Variants in ENOSF1 observed in about 807,000 individuals in gnomAD.
ENOSF1 encodes the protein enolase superfamily member 1, also known as mitochondrial enolase superfamily member 1.
ENOSF1 carries 73 observed loss-of-function variants against 68.2 expected under a neutral mutation model. That is an observed-to-expected ratio of 1.07 (90% CI 0.89 to 1.30). The LOEUF is 1.30. Ranked by LOEUF, ENOSF1 falls within the 50% of genes most tolerant of loss-of-function variation. The pLI is 0.00. For missense variants in ENOSF1, 589 were observed against 554.5 expected (o/e 1.06, Z -0.62); for synonymous variants, 223 against 210.4 (o/e 1.06, Z -0.52).
At position 697,622 on chromosome 18, in the gene ENOSF1, G is replaced by A. The variant is rs111509542; in HGVS notation, c.194-267C>T. Among the ~76,000 whole-genome samples, 906 of 151,896 alleles carry A rather than the reference G, an allele frequency of 6.0e-3. 12 individuals are homozygous for A. The highest frequency in any genetic ancestry group is 0.02 in the African/African-American group (842 of 41,420). ...AAAAATTAGCAGGGCACAGTGGTGC[G>A]CACCTGTAATCCCAGCTACTCAGGA... On this transcript the variant is annotated intron_variant, in intron 2 of 15. Transcript: ENST00000647584.
At chr18:701,383 AG>A (rs746010132) in intron 2 of ENOSF1, among the ~76,000 whole-genome samples, 2 of 151,508 alleles carry the variant, frequency 1.3e-5, no homozygotes, top group Non-Finnish European at 2.9e-5. Context: ...GTGTGGGGAC[AG>A]GGGTATGTGG....
chr18:669,365 G>GGTT, downstream of ENOSF1: 1 of 340,452 alleles, frequency 2.9e-6, no homozygotes. Context: ...GGGCCCAGAG[G>GGTT]ATTTTTTTTT....
chr18:667,263 AGATGGTGATGGTGATGGGATGGT>A (rs1405951124), downstream of ENOSF1, among the ~76,000 whole-genome samples: 1 of 11,740 alleles, frequency 8.5e-5, no homozygotes, highest in Admixed American at 6.2e-4. Context: ...ATGGTGATGG[AGATGGTGATGGTGATGGGATGGT>A]GATGGAGATG....
intron 1 of ENOSF1, among the ~76,000 whole-genome samples, chr18:712,055 C>T (rs1268725308): frequency 1.3e-5 from 2 of 152,202 alleles, no homozygotes; most frequent in African/African-American, 4.8e-5. Flanking sequence ...CTAGGGTTTC[C>T]ACTGGCGGGA....
chr18:669,063 A>G, downstream of ENOSF1: 6 of 1,611,560 alleles, frequency 3.7e-6, no homozygotes, highest in Non-Finnish European at 5.1e-6. Flanking sequence ...CTTTTTGACA[A>G]TTCTACAGAT....
At chr18:669,267 C>G, downstream of ENOSF1, 1 of 1,013,750 alleles carries the variant, frequency 9.9e-7, no homozygotes, top group Non-Finnish European at 1.5e-6. Context: ...GAGGCAGGAC[C>G]CTGGGAACTT....
Position 672,707 on chromosome 18 carries a change from G to T in ENOSF1, c.*1598C>A, listed in dbSNP as rs984318338. The T allele has an allele frequency of 3.0e-5, 23 of 778,508 alleles. No individual in the cohort carries two copies. Among genetic ancestry groups the T allele is most frequent in the Non-Finnish European group, 4.3e-5 (22 of 514,764 alleles). The allele number at this position is 778,508 out of a possible 1,614,324, so 48.2% of individuals were successfully genotyped here. ...GAACAGCTGGTTGCGCTCCAATCAT[G>T]TTACATAACCTACGGCAAGGTATCG... is the stretch of plus-strand genomic sequence containing the variant. On this transcript the variant is annotated 3_prime_UTR_variant, in exon 16 of 16. Transcript: ENST00000647584.
chr18:700,716 C>T (rs577216782), intron 2 of ENOSF1, among the ~76,000 whole-genome samples: 1 of 151,846 alleles, frequency 6.6e-6, no homozygotes, highest in South Asian at 2.1e-4. Flanking sequence ...GAAACCCTGT[C>T]TCTACTAAAA....
intron 3 of ENOSF1, among the ~76,000 whole-genome samples, chr18:695,036 A>G (rs1450754772): frequency 6.6e-6 from 1 of 152,230 alleles, no homozygotes; most frequent in Non-Finnish European, 1.5e-5. Flanking sequence ...TGCTGTCTAA[A>G]GGCCAGTCCA....
chr18:672,852 GT>G lies in ENOSF1; in HGVS notation c.*1452del. 3.2e-6 allele frequency: 5 copies of G among 1,555,190 alleles called. No homozygotes were observed. The highest frequency in any genetic ancestry group is 1.8e-6 in the Non-Finnish European group (2 of 1,137,770). On this transcript the variant is annotated 3_prime_UTR_variant, in exon 16 of 16. Transcript: ENST00000647584. ...TATGGCAAAATAATGGCCTTATTTT[GT>G]TTTTAGCTTCAGCGAGAACCCAGAC...
In ENOSF1 at chr18:672,843, C is replaced by T. The variant is rs2144417568; in HGVS notation, c.*1462G>A. On this transcript the variant is annotated 3_prime_UTR_variant, in exon 16 of 16. Transcript: ENST00000647584. ...TCGTACAATTATGGCAAAATAATGGCCTTATTTTGTTTTTAGCTTCAGCGA... is the reference window on the plus strand; with the variant it reads ...TCGTACAATTATGGCAAAATAATGGTCTTATTTTGTTTTTAGCTTCAGCGA... 1 of 1,546,078 alleles carries T rather than the reference C, an allele frequency of 6.5e-7. No homozygotes were observed. Among genetic ancestry groups the T allele is most frequent in the South Asian group, 1.2e-5 (1 of 83,172 alleles).
chr18:683,437 C>A lies in ENOSF1; in HGVS notation c.742-57G>T. On this transcript the variant is annotated intron_variant, in intron 10 of 15. Coordinates refer to ENST00000647584, the MANE Select transcript of ENOSF1 (RefSeq NM_017512.7). Reference sequence around the variant, plus strand: ...GCCCTGAGCCAACCTCACAGCAGGGCTGCGGCTCCCAGGGAGGAAATGCTG... The same window carrying A: ...GCCCTGAGCCAACCTCACAGCAGGGATGCGGCTCCCAGGGAGGAAATGCTG... 10 of 1,598,952 alleles carry A rather than the reference C, an allele frequency of 6.3e-6. No homozygotes were observed. In the South Asian group the frequency reaches 1.0e-4, roughly 16 times the overall value.
intron 9 of ENOSF1, chr18:686,303 G>A (rs1368794881): frequency 3.0e-6 from 1 of 329,852 alleles, no homozygotes; most frequent in African/African-American, 2.1e-5. Flanking sequence ...CCATGAAAAG[G>A]AATTAAGAAC....
At chr18:664,940 T>C in the ENOSF1 span, among the ~76,000 whole-genome samples, 5 of 144,706 alleles carry the variant, frequency 3.5e-5, no homozygotes, top group South Asian at 4.5e-4. Context: ...TTGAGGAATT[T>C]TGCATCAATG....
At chr18:667,800 G>GT (rs1567991245), downstream of ENOSF1, 2 of 152,264 alleles carry the variant, frequency 1.3e-5, no homozygotes, top group East Asian at 3.9e-4. Flanking sequence ...TAGGGTGTCC[G>GT]TAGGATGTGA....
chr18:693,889 A>G lies in ENOSF1; in HGVS notation c.416T>C (p.Val139Ala), dbSNP rs767755388. 1.9e-6 allele frequency: 3 copies of G among 1,614,166 alleles called. No individual in the cohort carries two copies. The highest frequency in any genetic ancestry group is 2.2e-5 in the South Asian group (2 of 91,052). Residue 139 changes from valine (V) to alanine (A), a missense_variant, in exon 5 of 16, where the codon GTG becomes GCG. Physicochemically the swap from Val to Ala is moderately conservative, Grantham distance 64. Transcript: ENST00000647584. ...QEGKPVWKLL[V>A]DMDPRMLVSC... is the part of the protein sequence containing the mutation. ...ATTAACAATGCTACTCACCATGTCC[A>G]CAAGTAACTTCCAGACAGGCTTGAA...
At chr18:667,047 T>A (rs867970977), downstream of ENOSF1, among the ~76,000 whole-genome samples, 13 of 28,098 alleles carry the variant, frequency 4.6e-4, no homozygotes, top group South Asian at 5.6e-3. Flanking sequence ...ATGGTGATGG[T>A]GATGGAGATG....
At chr18:697,064 C>A (rs1407750529) in intron 3 of ENOSF1, among the ~76,000 whole-genome samples, 176 bp downstream of exon 3, 2 of 152,102 alleles carry the variant, frequency 1.3e-5, no homozygotes, top group Non-Finnish European at 2.9e-5. Context: ...TTGCAGTGAG[C>A]CAAGATTGCA....
chr18:690,791 G>A (rs745912291), intron 7 of ENOSF1, 160 bp from the exon 8 acceptor site: 2 of 1,485,464 alleles, frequency 1.3e-6, no homozygotes, highest in Non-Finnish European at 1.8e-6. Flanking sequence ...GTCAAACCCA[G>A]GTGATCAGGA....
Sources: gnomAD v4.1 joint callset for allele counts (sites outside exome capture counted in the v4.1 genomes callset) on GRCh38, gnomAD v4.1.1 for gene constraint, MANE v1.5 for transcripts, NCBI Gene and HGNC (gene_info 2026-07-23, HGNC 2026-07-21) for gene names.